The following NAV2 variants were observed in gnomAD, a reference collection of about 807,000 sequenced individuals.
The protein encoded by NAV2 is neuron navigator 2.
NAV2 carries 54 observed loss-of-function variants against 223.2 expected under a neutral mutation model. That is an observed-to-expected ratio of 0.24 (90% CI 0.19 to 0.30). The LOEUF (loss-of-function observed/expected upper bound fraction) is 0.30, where lower values mean the gene tolerates loss of function less well. Among genes scored for constraint, NAV2 ranks in the 10% least tolerant of loss-of-function variants. The probability of loss-of-function intolerance (pLI) is 1.00; values close to 1 mark genes in which losing one functional copy is unlikely to be tolerated. For missense variants in NAV2, 2,806 were observed against 3,147.5 expected (o/e 0.89, Z 2.60); for synonymous variants, 1,279 against 1,239.3 (o/e 1.03, Z -0.67).
intron 1 of NAV2, among the ~76,000 whole-genome samples, chr11:19,620,663 G>C (rs952887136): frequency 1.3e-5 from 2 of 152,208 alleles, no homozygotes; most frequent in East Asian, 1.9e-4. Flanking sequence ...ATTTAGGGCT[G>C]AGATGACTGG....
chr11:19,883,726 AT>A lies in NAV2; in HGVS notation c.770+3601del, dbSNP rs747952551. The stretch of plus-strand genomic sequence containing the variant: ...TTTTCTTTTATTAAGCCTAACTAAA[AT>A]TCTTTATATGTACCAATTTATAGTA... On this transcript the variant is annotated intron_variant, in intron 5 of 37. Transcript: ENST00000349880. 5.3e-5 allele frequency among the ~76,000 whole-genome samples: 8 copies of A among 152,346 alleles called. No individual in the cohort carries two copies. The East Asian group carries it at 1.5e-3, about 29-fold the overall frequency.
intron 1 of NAV2, among the ~76,000 whole-genome samples, chr11:19,504,078 T>C (rs1435429135): frequency 6.6e-6 from 1 of 152,136 alleles, no homozygotes; most frequent in African/African-American, 2.4e-5. Context: ...ACATCATATG[T>C]CATCAAGCAA....
intron 2 of NAV2, among the ~76,000 whole-genome samples, chr11:19,841,753 G>C (rs560643138): frequency 1.3e-5 from 2 of 152,152 alleles, no homozygotes; most frequent in African/African-American, 2.4e-5. Flanking sequence ...CTTTACTGTG[G>C]AGCCCTAGCT....
At chr11:19,481,161 T>TC (rs1456897553) in intron 1 of NAV2, among the ~76,000 whole-genome samples, 1 of 152,006 alleles carries the variant, frequency 6.6e-6, no homozygotes, top group Non-Finnish European at 1.5e-5. Flanking sequence ...ATTCAAATAC[T>TC]CCCCACAGGA....
chr11:19,495,265 G>A (rs2042758205), intron 1 of NAV2, among the ~76,000 whole-genome samples: 1 of 152,176 alleles, frequency 6.6e-6, no homozygotes, highest in African/African-American at 2.4e-5. Flanking sequence ...CAAGCACCAG[G>A]CTCTCCATTA....
intron 7 of NAV2, among the ~76,000 whole-genome samples, chr11:19,934,702 A>G (rs1472891936): frequency 1.3e-5 from 2 of 152,186 alleles, no homozygotes; most frequent in African/African-American, 4.8e-5. Context: ...ACCTGGCTCA[A>G]TAACTAAGAT....
intron 1 of NAV2, chr11:19,778,353 T>C (rs1431572374): frequency 4.4e-6 from 2 of 455,822 alleles, no homozygotes; most frequent in Admixed American, 2.4e-5. Context: ...ATGGAGCAAG[T>C]TCCCACCTTG....
intron 1 of NAV2, among the ~76,000 whole-genome samples, chr11:19,498,121 A>T (rs2134129578): frequency 6.6e-6 from 1 of 152,310 alleles, no homozygotes; most frequent in East Asian, 1.9e-4. Flanking sequence ...CCAGGCTCTG[A>T]GCACTCTGCG....
intron 1 of NAV2, among the ~76,000 whole-genome samples, chr11:19,409,122 G>A (rs1366038410): frequency 1.3e-5 from 2 of 152,140 alleles, no homozygotes; most frequent in African/African-American, 4.8e-5. Flanking sequence ...GGGAACATCA[G>A]CTTCCCTTGG....
chr11:19,593,805 AT>A (rs2046127347), intron 1 of NAV2, among the ~76,000 whole-genome samples: 1 of 151,852 alleles, frequency 6.6e-6, no homozygotes. Context: ...GATGTTGAAC[AT>A]TTTTTCACTG....
intron 11 of NAV2, among the ~76,000 whole-genome samples, chr11:20,002,456 T>C (rs117307002): frequency 0.063 from 9,590 of 152,108 alleles, 521 homozygotes; most frequent in Admixed American, 0.092. Flanking sequence ...TGCGTTCAGA[T>C]TCAGAGGGCA....
chr11:20,049,270 C>A, intron 15 of NAV2, 75 bp downstream of exon 15: 2 of 1,120,110 alleles, frequency 1.8e-6, no homozygotes, highest in Non-Finnish European at 2.6e-6. Flanking sequence ...TTAGGAATCC[C>A]AAATGTCGAA....
At chr11:19,479,697 A>T (rs1022606623) in intron 1 of NAV2, among the ~76,000 whole-genome samples, 3 of 152,196 alleles carry the variant, frequency 2.0e-5, no homozygotes, top group African/African-American at 7.2e-5. Flanking sequence ...TAATCAGCCC[A>T]TTAAAATTTG....
intron 25 of NAV2, among the ~76,000 whole-genome samples, chr11:20,081,843 C>T (rs1387223691): frequency 1.3e-5 from 2 of 152,088 alleles, no homozygotes; most frequent in Non-Finnish European, 2.9e-5. Context: ...TTTTAAAAGG[C>T]CTGTTTTCAA....
intron 1 of NAV2, among the ~76,000 whole-genome samples, chr11:19,811,298 C>A (rs2058824993): frequency 6.6e-6 from 1 of 151,948 alleles, no homozygotes; most frequent in South Asian, 2.1e-4. Flanking sequence ...GTGTGGGTGG[C>A]CAAGGAGGAG....
intron 31 of NAV2, among the ~76,000 whole-genome samples, chr11:20,098,231 G>A (rs1170582179): frequency 6.6e-6 from 1 of 152,018 alleles, no homozygotes; most frequent in Non-Finnish European, 1.5e-5. Flanking sequence ...CAGGCCAGTG[G>A]ATTCCTTAGA....
chr11:19,939,730 C>G lies in NAV2; in HGVS notation c.2103C>G (p.Ser701Arg). ...SSSTGVSVEP[S>R]HFTKTGQPAL... ...CAACAGGTGTGAGCGTGGAGCCCAG[C>G]CACTTCACCAAGACTGGACAGCCTG... is the stretch of plus-strand genomic sequence containing the variant. The change falls in exon 8 of 38, where the codon AGC (serine) becomes AGG (arginine). Residue 701 changes from serine (S) to arginine (R), a missense_variant. Ser to Arg is a moderately radical substitution (Grantham distance 110). Coordinates refer to ENST00000349880, the MANE Select transcript of NAV2 (RefSeq NM_145117.5). 6.2e-7 allele frequency: 1 copy of G among 1,614,132 alleles called. No individual in the cohort carries two copies. Among genetic ancestry groups the G allele is most frequent in the Non-Finnish European group, 8.5e-7 (1 of 1,180,008 alleles).
intron 11 of NAV2, among the ~76,000 whole-genome samples, chr11:20,005,253 A>ATATATTTTTTTTT (rs1277010848): frequency 1.3e-4 from 17 of 134,544 alleles, no homozygotes; most frequent in Admixed American, 3.0e-4. Flanking sequence ...ATATATATAT[A>ATATATTTTTTTTT]TTTTTTTTTT....
At chr11:19,725,873 C>G (rs1377899844) in intron 1 of NAV2, among the ~76,000 whole-genome samples, 1 of 152,030 alleles carries the variant, frequency 6.6e-6, no homozygotes, top group Non-Finnish European at 1.5e-5. Flanking sequence ...TTGCAAATAC[C>G]AACTCTCGCT....
Sources: allele counts gnomAD v4.1 joint callset (sites outside exome capture counted in the v4.1 genomes callset), GRCh38; gene constraint gnomAD v4.1.1; transcripts MANE v1.5; gene names NCBI Gene and HGNC (gene_info 2026-07-23, HGNC 2026-07-21).